MLH3: variants seen among roughly 807,000 people sequenced by gnomAD.
The protein encoded by MLH3 is mutL homolog 3.
In MLH3, 82 loss-of-function variants were observed where a neutral mutation model predicts 122.2. The observed-to-expected ratio is 0.67, with a 90% CI of 0.56 to 0.81. The LOEUF (loss-of-function observed/expected upper bound fraction) is 0.81. Among genes scored for constraint, MLH3 ranks in the 30% least tolerant of loss-of-function variants. The pLI, the probability that MLH3 is intolerant of heterozygous loss-of-function variation, is 0.00. For synonymous variants in MLH3, 524 were observed against 599.5 expected, an observed-to-expected ratio of 0.87 and a Z score of 1.84; for missense variants, 1,539 against 1,714.5, an observed-to-expected ratio of 0.90 and a Z score of 1.81.
chr14:75,049,188 A>T lies in MLH3; in HGVS notation c.468T>A (p.Pro156=), dbSNP rs768016364. 14 of 1,614,190 alleles carry T rather than the reference A, an allele frequency of 8.7e-6. No homozygotes were observed. The highest frequency in any genetic ancestry group is 2.7e-5 in the African/African-American group (2 of 75,054). Residue 156 remains proline, a synonymous_variant, in exon 2 of 13, where the codon CCT becomes CCA. Transcript: ENST00000355774. ...VTVYNLFYQL[P]VRRKCMDPRL... ...TAGGGTCCATGCATTTCCTCCTTAC[A>T]GGAAGCTGGTAAAATAGGTTATACA... is the stretch of plus-strand genomic sequence containing the variant.
chr14:75,039,539 T>G (rs1405030086), intron 5 of MLH3, among the ~76,000 whole-genome samples: 1 of 152,076 alleles, frequency 6.6e-6, no homozygotes, highest in Non-Finnish European at 1.5e-5. Context: ...TGTTGCACAC[T>G]TAAGGACAAG....
Position 75,049,721 on chromosome 14 carries a change from A to G in MLH3, c.-63-3T>C, listed in dbSNP as rs570264323. Reference sequence around the variant, plus strand: ...CTTCTCTGACTGGAAATAATTGCCTATTGGAGAAAAAAACCACACACGCAC... The same window carrying G: ...CTTCTCTGACTGGAAATAATTGCCTGTTGGAGAAAAAAACCACACACGCAC... On this transcript the variant is annotated splice_region_variant and splice_polypyrimidine_tract_variant and intron_variant, in intron 1 of 12. Transcript: ENST00000355774. 92 of 1,513,268 alleles carry G rather than the reference A, an allele frequency of 6.1e-5. No individual in the cohort carries two copies. Among genetic ancestry groups the G allele is most frequent in the Non-Finnish European group, 8.0e-5 (89 of 1,106,194 alleles). 93.7% of individuals were successfully genotyped at this position (1,513,268 alleles called of 1,614,324 possible). A position where few individuals can be genotyped will look rare whatever the true frequency, so the allele number is the denominator to read the frequency against.
In MLH3 at chr14:75,049,213, A is replaced by G. The variant is rs1484161045; in HGVS notation, c.443T>C (p.Val148Ala). 7.4e-6 allele frequency: 12 copies of G among 1,614,078 alleles called. No homozygotes were observed. Among genetic ancestry groups the G allele is most frequent in the Admixed American group, 5.0e-5 (3 of 60,002 alleles). ...AGGAAGCTGGTAAAATAGGTTATAC[A>G]CTGTTACAGTAGTCCCAGCGCTTGC... is the stretch of plus-strand genomic sequence containing the variant. ...TRASAGTTVT[V>A]YNLFYQLPVR... The change falls in exon 2 of 13, where the codon GTG (valine) becomes GCG (alanine). Residue 148 changes from valine to alanine, a missense_variant. Val to Ala is a moderately conservative substitution (Grantham distance 64, BLOSUM62 0). Transcript: ENST00000355774.
chr14:75,049,453 T>C lies in MLH3; in HGVS notation c.203A>G (p.Lys68Arg). 1 of 1,614,138 alleles carries C rather than the reference T, an allele frequency of 6.2e-7. No homozygotes were observed. The highest frequency in any genetic ancestry group is 8.5e-7 in the Non-Finnish European group (1 of 1,180,036). The change falls in exon 2 of 13, where the codon AAA (lysine) becomes AGA (arginine). Residue 68 changes from lysine (K) to arginine (R), a missense_variant. Coordinates refer to ENST00000355774, the MANE Select transcript of MLH3 (RefSeq NM_001040108.2). ...ACTGGTGAAATAACGATTTCCCACTTTCTCTACATCATCACTCCCCATCCC... is the reference window on the plus strand; with the variant it reads ...ACTGGTGAAATAACGATTTCCCACTCTCTCTACATCATCACTCCCCATCCC... ...GFGMGSDDVE[K>R]VGNRYFTSKC...
intron 6 of MLH3, among the ~76,000 whole-genome samples, chr14:75,034,413 G>A (rs1008147864): frequency 3.3e-5 from 5 of 152,216 alleles, no homozygotes; most frequent in East Asian, 1.9e-4. Context: ...GCCGGAGAAC[G>A]TTTTCTGAAG....
chr14:75,035,454 G>C (rs1453727489), intron 6 of MLH3, among the ~76,000 whole-genome samples: 1 of 152,100 alleles, frequency 6.6e-6, no homozygotes, highest in African/African-American at 2.4e-5. Context: ...CCCAGGAGGC[G>C]GAGGTTGCAG....
At chr14:75,036,574 C>T (rs1000620769) in intron 6 of MLH3, 4 of 444,546 alleles carry the variant, frequency 9.0e-6, no homozygotes, top group East Asian at 7.1e-5. Flanking sequence ...CAACTCCTGA[C>T]CTCAGGTGAT....
chr14:75,046,732 T>C lies in MLH3; in HGVS notation c.2924A>G (p.Asn975Ser), dbSNP rs141066164. Residue 975 changes from asparagine to serine, a missense_variant, in exon 2 of 13, where the codon AAT becomes AGT. Transcript: ENST00000355774. ...ATCTTTACCGGTAACTTTAGAATTA[T>C]TATAGGGCAATACCAAAGGAGTTTC... is the stretch of plus-strand genomic sequence containing the variant. ...ISETPLVLPY[N>S]NSKVTGKDSD... 408 of 1,614,176 alleles carry C rather than the reference T, an allele frequency of 2.5e-4. 1 individual carries two copies. The African/African-American group carries it at 4.9e-3, about 19-fold the overall frequency.
chr14:75,039,861 ATATATATATATATATATATATT>A (rs777633727), intron 5 of MLH3, 28 bp downstream of exon 5: 1 of 66,108 alleles, frequency 1.5e-5, no homozygotes, highest in Non-Finnish European at 3.5e-5. Context: ...ATATATATAT[ATATATATATATATATATATATT>A]TATGAGATTT....
At chr14:75,044,246 AT>A (rs1428036899) in intron 2 of MLH3, among the ~76,000 whole-genome samples, 10 of 152,194 alleles carry the variant, frequency 6.6e-5, no homozygotes, top group African/African-American at 2.2e-4. Flanking sequence ...TATACCAAAA[AT>A]ATTTTTCATT....
At chr14:75,040,554 CA>C (rs1393182298) in intron 4 of MLH3, among the ~76,000 whole-genome samples, 5 of 100,194 alleles carry the variant, frequency 5.0e-5, no homozygotes, top group South Asian at 3.6e-4. Flanking sequence ...ACTGACAAAA[CA>C]AAAAAAATTG....
rs1892323457 is a variant in MLH3, at chr14:75,047,451, A to C, written c.2205T>G (p.Gly735=). The C allele has an allele frequency of 6.2e-7, 1 of 1,614,112 alleles. No homozygotes were observed. Among genetic ancestry groups the C allele is most frequent in the Non-Finnish European group, 8.5e-7 (1 of 1,180,010 alleles). The part of the protein sequence containing the change: ...NDSRKTDKLI[G]FSKPIVRKKL... The stretch of plus-strand genomic sequence containing the variant: ...TCTTACGGACGATTGGTTTGGAGAA[A>C]CCAATTAATTTATCTGTTTTCCTAC... Residue 735 remains glycine (G), a synonymous_variant, in exon 2 of 13, where the codon GGT becomes GGG. Transcript: ENST00000355774.
Position 75,048,244 on chromosome 14 carries a change from A to G in MLH3, c.1412T>C (p.Leu471Ser). The G allele has an allele frequency of 6.2e-7, 1 of 1,613,948 alleles. No individual in the cohort carries two copies. The highest frequency in any genetic ancestry group is 2.2e-5 in the East Asian group (1 of 44,872). The change falls in exon 2 of 13, where the codon TTA becomes TCA. Residue 471 changes from leucine to serine, a missense_variant. Coordinates refer to ENST00000355774, the MANE Select transcript of MLH3 (RefSeq NM_001040108.2). ...KDSSCSESKM[L>S]EQETIVASEA... Reference sequence around the variant, plus strand: ...TGATGCTACAATTGTCTCTTGTTCTAACATCTTTGATTCTGAGCAAGAGCT... The same window carrying G: ...TGATGCTACAATTGTCTCTTGTTCTGACATCTTTGATTCTGAGCAAGAGCT...
At position 75,048,173 on chromosome 14, in the gene MLH3, T is replaced by C. The variant is rs772171489; in HGVS notation, c.1483A>G (p.Ser495Gly). 1.9e-6 allele frequency: 3 copies of C among 1,614,044 alleles called. No homozygotes were observed. The East Asian group carries it at 6.7e-5, about 36-fold the overall frequency. The change falls in exon 2 of 13, where the codon AGC becomes GGC. Residue 495 changes from serine to glycine, a missense_variant. Physicochemically the swap from Ser to Gly is moderately conservative, Grantham distance 56 (BLOSUM62 0). Transcript: ENST00000355774. ...GTTCCACACGGATTTTCTAAAGAGC[T>C]ATGTTCCAGGAAAGATTTTTTATGT... Reference protein sequence around the residue: ...EKHKKSFLEHSSLENPCGTSL... With the variant: ...EKHKKSFLEHGSLENPCGTSL...
rs1261761412 is a variant in MLH3 at position 75,048,717 on chromosome 14, T to C, written c.939A>G (p.Gln313=). The C allele has an allele frequency of 1.9e-6, 3 of 1,614,188 alleles. No homozygotes were observed. Among genetic ancestry groups the C allele is most frequent in the Non-Finnish European group, 1.7e-6 (2 of 1,180,022 alleles). ...CCATGCACACATCATACTCACAGAA[T>C]TGGCACTGCACATTAATTACATATA... ...YGIYVINVQC[Q]FCEYDVCMEP... The change falls in exon 2 of 13, where the codon CAA becomes CAG. Residue 313 remains glutamine, a synonymous_variant. Transcript: ENST00000355774.
rs934892940 is a variant in MLH3, at chr14:75,016,918, T to A, written c.*164A>T. 1.3e-6 allele frequency: 1 copy of A among 750,586 alleles called. No homozygotes were observed. The highest frequency in any genetic ancestry group is 2.3e-6 in the Non-Finnish European group (1 of 430,008). The allele number at this position is 750,586 out of a possible 1,614,324, so 46.5% of individuals were successfully genotyped here. A position where few individuals can be genotyped will look rare whatever the true frequency, so the allele number is the denominator to read the frequency against. On this transcript the variant is annotated 3_prime_UTR_variant, in exon 13 of 13. Transcript: ENST00000355774. ...TCATCTGGCTACTCAACTAGGGGAA[T>A]CATCTGCTCAAGAAAGACTGATACA...
chr14:75,044,927 C>T (rs555255645), intron 2 of MLH3, among the ~76,000 whole-genome samples: 1 of 152,326 alleles, frequency 6.6e-6, no homozygotes, highest in East Asian at 1.9e-4. Context: ...AGCTTTATCA[C>T]CTCCCAACAT....
At chr14:75,035,062 C>CAAAAAAAAAAAAAAAAAAAAA (rs36096670) in intron 6 of MLH3, among the ~76,000 whole-genome samples, 1 of 40,248 alleles carries the variant, frequency 2.5e-5, no homozygotes, top group Admixed American at 4.2e-4. Context: ...GACTCCATCT[C>CAAAAAAAAAAAAAAAAAAAAA]AAAAAAAAAA....
intron 9 of MLH3, among the ~76,000 whole-genome samples, chr14:75,024,045 C>T (rs1189434148): frequency 6.6e-6 from 1 of 152,158 alleles, no homozygotes; most frequent in Non-Finnish European, 1.5e-5. Flanking sequence ...GGAGAGCAAA[C>T]ATTCTTGTGT....
Sources: gnomAD v4.1 joint callset for allele counts (sites outside exome capture counted in the v4.1 genomes callset) on GRCh38, gnomAD v4.1.1 for gene constraint, MANE v1.5 for transcripts, NCBI Gene and HGNC (gene_info 2026-07-23, HGNC 2026-07-21) for gene names.